ZNF804B: variants seen among roughly 807,000 people sequenced by gnomAD.
ZNF804B encodes the protein zinc finger 804B.
In ZNF804B, 80 loss-of-function variants were observed where a neutral mutation model predicts 101.4. The observed-to-expected ratio is 0.79, with a 90% CI of 0.66 to 0.95. The LOEUF is 0.95. ZNF804B is among the 40% of genes least tolerant of loss of function. The probability of loss-of-function intolerance (pLI) is 0.00; values close to 1 mark genes in which losing one functional copy is unlikely to be tolerated. For missense variants in ZNF804B, 1,673 were observed against 1,561.9 expected (o/e 1.07, Z -1.20); for synonymous variants, 622 against 558.8 (o/e 1.11, Z -1.59).
chr7:89,272,288 T>C (rs1789910338), intron 2 of ZNF804B, among the ~76,000 whole-genome samples: 1 of 152,154 alleles, frequency 6.6e-6, no homozygotes, highest in East Asian at 1.9e-4. Context: ...GTGTTGCATG[T>C]ATGAATAAAT....
chr7:89,272,476 C>T (rs529192108), intron 2 of ZNF804B, among the ~76,000 whole-genome samples: 1 of 151,820 alleles, frequency 6.6e-6, no homozygotes, highest in East Asian at 1.9e-4. Flanking sequence ...GAACAGGAGC[C>T]AAAAATACTA....
intron 2 of ZNF804B, among the ~76,000 whole-genome samples, chr7:89,319,636 G>A (rs1182734921): frequency 6.6e-6 from 1 of 152,116 alleles, no homozygotes; most frequent in South Asian, 2.1e-4. Context: ...AGGACTTTTA[G>A]CAAGTACTAC....
At chr7:89,016,531 G>A (rs1414565458) in intron 1 of ZNF804B, among the ~76,000 whole-genome samples, 2 of 150,402 alleles carry the variant, frequency 1.3e-5, no homozygotes, top group African/African-American at 5.0e-5. Flanking sequence ...GTAAGGAAGG[G>A]ATCCAGTTTC....
intron 1 of ZNF804B, among the ~76,000 whole-genome samples, chr7:88,894,868 C>T (rs1439805486): frequency 1.3e-5 from 2 of 151,922 alleles, no homozygotes; most frequent in Non-Finnish European, 2.9e-5. Flanking sequence ...ATATGAAACA[C>T]TGGGGATTTT....
At chr7:88,877,044 TATA>T (rs1371071646) in intron 1 of ZNF804B, among the ~76,000 whole-genome samples, 556 of 51,390 alleles carry the variant, frequency 0.011, 21 homozygotes, top group East Asian at 0.017. Context: ...TATATATATA[TATA>T]TATTTTTTTT....
intron 1 of ZNF804B, among the ~76,000 whole-genome samples, chr7:89,019,164 G>GT (rs1788618663): frequency 6.6e-6 from 1 of 151,978 alleles, no homozygotes; most frequent in Non-Finnish European, 1.5e-5. Context: ...CATCCCATAA[G>GT]TTTTGGTGTG....
intron 1 of ZNF804B, among the ~76,000 whole-genome samples, chr7:88,926,938 G>GT (rs113089451): frequency 1.4e-5 from 2 of 142,706 alleles, no homozygotes; most frequent in South Asian, 2.2e-4. Context: ...CCGGGTGGTG[G>GT]GGAGCGGGGG....
chr7:89,183,340 T>C (rs1473490971), intron 1 of ZNF804B, among the ~76,000 whole-genome samples: 3 of 152,094 alleles, frequency 2.0e-5, no homozygotes, highest in Non-Finnish European at 4.4e-5. Context: ...ATAAGTGACC[T>C]AAATGGTATT....
intron 1 of ZNF804B, among the ~76,000 whole-genome samples, chr7:89,010,873 G>T (rs969157714): frequency 6.6e-6 from 1 of 152,160 alleles, no homozygotes; most frequent in African/African-American, 2.4e-5. Context: ...GAGTTTGATT[G>T]CTGTGTTCCT....
At chr7:88,982,923 A>G (rs1305802001) in intron 1 of ZNF804B, among the ~76,000 whole-genome samples, 1 of 152,080 alleles carries the variant, frequency 6.6e-6, no homozygotes, top group African/African-American at 2.4e-5. Flanking sequence ...GACAGCTGAA[A>G]TGCTTCCAGT....
intron 1 of ZNF804B, among the ~76,000 whole-genome samples, chr7:89,128,877 C>T (rs1358002041): frequency 6.6e-6 from 1 of 151,936 alleles, no homozygotes; most frequent in East Asian, 1.9e-4. Context: ...AAATGAGACC[C>T]TAGTTGTATC....
intron 1 of ZNF804B, among the ~76,000 whole-genome samples, chr7:88,862,992 C>A (rs1791672912): frequency 1.3e-5 from 2 of 152,070 alleles, no homozygotes; most frequent in Admixed American, 6.6e-5. Context: ...TGTCACTTCC[C>A]CTCATAATAT....
intron 1 of ZNF804B, among the ~76,000 whole-genome samples, chr7:89,056,392 A>C (rs1163235312): frequency 6.6e-6 from 1 of 152,124 alleles, no homozygotes; most frequent in African/African-American, 2.4e-5. Flanking sequence ...ATGTATGTTT[A>C]GAAGTAAAAT....
intron 1 of ZNF804B, among the ~76,000 whole-genome samples, chr7:89,183,732 A>T (rs190251449): frequency 1.3e-5 from 2 of 152,188 alleles, no homozygotes; most frequent in African/African-American, 4.8e-5. Context: ...CACAGCACTC[A>T]TTTTATGAAG....
intron 1 of ZNF804B, among the ~76,000 whole-genome samples, chr7:88,993,592 T>C (rs1169292897): frequency 6.6e-6 from 1 of 152,044 alleles, no homozygotes; most frequent in Non-Finnish European, 1.5e-5. Context: ...AATTACTTTC[T>C]ACAAAGCTTA....
In ZNF804B at chr7:88,892,545, C is replaced by T. The variant is rs533142166; in HGVS notation, c.108+132461C>T. On this transcript the variant is annotated intron_variant, in intron 1 of 3. Transcript: ENST00000333190. Reference sequence around the variant, plus strand: ...TTCTCTTTGACTTCTTCTGTAAGTTCTATAGTTTCACTACCATTTGCCTCA... The same window carrying T: ...TTCTCTTTGACTTCTTCTGTAAGTTTTATAGTTTCACTACCATTTGCCTCA... 1.1e-4 allele frequency among the ~76,000 whole-genome samples: 16 copies of T among 152,176 alleles called. No individual in the cohort carries two copies. In the East Asian group the frequency reaches 3.1e-3, roughly 29 times the overall value.
At chr7:89,205,108 C>T (rs371031468) in intron 1 of ZNF804B, among the ~76,000 whole-genome samples, 3 of 152,076 alleles carry the variant, frequency 2.0e-5, no homozygotes, top group African/African-American at 7.2e-5. Context: ...TTTATAAAAC[C>T]ATCTGATCTC....
At chr7:88,917,768 ATTCT>A (rs1272458961) in intron 1 of ZNF804B, among the ~76,000 whole-genome samples, 15 of 152,154 alleles carry the variant, frequency 9.9e-5, no homozygotes, top group Admixed American at 7.2e-4. Context: ...TTGCCACAAT[ATTCT>A]AGTGACAGTA....
chr7:89,197,756 C>A (rs902035107), intron 1 of ZNF804B, among the ~76,000 whole-genome samples: 4 of 151,762 alleles, frequency 2.6e-5, no homozygotes, highest in African/African-American at 9.7e-5. Context: ...ATAGTATATG[C>A]ACAGGTTAGT....
Sources: gnomAD v4.1 joint callset for allele counts (sites outside exome capture counted in the v4.1 genomes callset) on GRCh38, gnomAD v4.1.1 for gene constraint, MANE v1.5 for transcripts, NCBI Gene and HGNC (gene_info 2026-07-23, HGNC 2026-07-21) for gene names.